The following HECW2 variants were observed in gnomAD, a reference collection of about 807,000 sequenced individuals.
HECW2 encodes the protein HECT, C2 and WW domain containing E3 ubiquitin protein ligase 2.
Under a neutral mutation model 175.2 loss-of-function variants are expected in HECW2, and 61 were observed. That is an observed-to-expected ratio of 0.35 (90% confidence interval 0.28 to 0.43). HECW2 has a LOEUF of 0.43. Ranked by LOEUF, HECW2 falls within the 20% of genes least tolerant of loss-of-function variation. The pLI, the probability that HECW2 is intolerant of heterozygous loss-of-function variation, is 1.00. For synonymous variants in HECW2, 671 were observed against 731.0 expected (o/e 0.92, Z 1.32); for missense variants, 1,524 against 2,000.5 (o/e 0.76, Z 4.54).
At chr2:196,304,959 A>G (rs1691204125) in intron 13 of HECW2, among the ~76,000 whole-genome samples, 1 of 152,196 alleles carries the variant, frequency 6.6e-6, no homozygotes, top group Non-Finnish European at 1.5e-5. Context: ...TCTTCTACCT[A>G]GAGTACTCCT....
intron 1 of HECW2, among the ~76,000 whole-genome samples, chr2:196,440,063 G>GA (rs1475384488): frequency 6.6e-6 from 1 of 152,116 alleles, no homozygotes; most frequent in Non-Finnish European, 1.5e-5. Flanking sequence ...ACAGGGCTGA[G>GA]AAAATCAAAA....
At chr2:196,504,732 G>A (rs1236739925) in intron 1 of HECW2, among the ~76,000 whole-genome samples, 1 of 152,190 alleles carries the variant, frequency 6.6e-6, no homozygotes, top group African/African-American at 2.4e-5. Context: ...GACAGAGAGT[G>A]TATGAACCAA....
At chr2:196,285,279 C>T (rs1023220412) in intron 14 of HECW2, among the ~76,000 whole-genome samples, 4 of 152,202 alleles carry the variant, frequency 2.6e-5, no homozygotes, top group East Asian at 3.9e-4. Context: ...AGTTTGAAAT[C>T]GTTTCCAGTT....
At chr2:196,224,586 C>T (rs1687782652) in intron 23 of HECW2, among the ~76,000 whole-genome samples, 1 of 152,044 alleles carries the variant, frequency 6.6e-6, no homozygotes, top group South Asian at 2.1e-4. Flanking sequence ...AGGAAAGACA[C>T]AGGAATAAAT....
chr2:196,411,984 T>C (rs1575515081), intron 2 of HECW2, among the ~76,000 whole-genome samples: 1 of 152,304 alleles, frequency 6.6e-6, no homozygotes, highest in East Asian at 1.9e-4. Flanking sequence ...CACTGCAGCC[T>C]GGGTGACAGA....
intron 14 of HECW2, among the ~76,000 whole-genome samples, chr2:196,283,970 C>G (rs1690287610): frequency 6.6e-6 from 1 of 152,166 alleles, no homozygotes; most frequent in Admixed American, 6.5e-5. Flanking sequence ...GACCCCAAAG[C>G]CCAATGAGCA....
At chr2:196,317,488 TTTCCC>T in intron 9 of HECW2, 119 bp from the exon 10 acceptor site, 2 of 738,206 alleles carry the variant, frequency 2.7e-6, no homozygotes, top group Non-Finnish European at 2.3e-6. Flanking sequence ...TTTAGTCTCA[TTTCCC>T]ATATGAGGAC....
At chr2:196,326,611 T>C (rs1248677768) in intron 5 of HECW2, among the ~76,000 whole-genome samples, 1 of 152,000 alleles carries the variant, frequency 6.6e-6, no homozygotes, top group Non-Finnish European at 1.5e-5. Context: ...ACCCAGCGAA[T>C]TTTTGTATTT....
chr2:196,271,043 C>T, intron 17 of HECW2, 150 bp downstream of exon 17: 1 of 598,060 alleles, frequency 1.7e-6, no homozygotes, highest in Non-Finnish European at 3.0e-6. Context: ...CACTACAATA[C>T]CTGGTGATGA....
intron 1 of HECW2, among the ~76,000 whole-genome samples, chr2:196,464,089 A>G (rs1221274608): frequency 6.6e-6 from 1 of 151,886 alleles, no homozygotes; most frequent in Non-Finnish European, 1.5e-5. Flanking sequence ...AATACATTAA[A>G]ATTGCTACCC....
chr2:196,400,672 A>G (rs945713609), intron 2 of HECW2, among the ~76,000 whole-genome samples: 1 of 152,138 alleles, frequency 6.6e-6, no homozygotes, highest in Non-Finnish European at 1.5e-5. Flanking sequence ...GAAAATCATG[A>G]AAACCTTACT....
intron 3 of HECW2, among the ~76,000 whole-genome samples, chr2:196,335,748 T>C (rs920604582): frequency 2.0e-5 from 3 of 152,220 alleles, no homozygotes; most frequent in Admixed American, 2.0e-4. Context: ...CTTATATTAT[T>C]TATGTGAGTC....
chr2:196,534,765 G>A (rs1408586874), intron 1 of HECW2, among the ~76,000 whole-genome samples: 1 of 152,206 alleles, frequency 6.6e-6, no homozygotes, highest in Non-Finnish European at 1.5e-5. Flanking sequence ...TCTCTACTGT[G>A]AAACAAGATG....
At chr2:196,375,104 A>G (rs1694014419) in intron 2 of HECW2, among the ~76,000 whole-genome samples, 1 of 151,706 alleles carries the variant, frequency 6.6e-6, no homozygotes, top group Non-Finnish European at 1.5e-5. Context: ...GGTAGCAGTG[A>G]GCTGAGATCA....
intron 1 of HECW2, among the ~76,000 whole-genome samples, chr2:196,572,641 T>A (rs933283803): frequency 2.0e-5 from 3 of 152,220 alleles, no homozygotes; most frequent in Non-Finnish European, 4.4e-5. Flanking sequence ...CCCCTCCAAA[T>A]TCATGTTGAA....
chr2:196,248,225 C>A (rs572780081), intron 19 of HECW2, among the ~76,000 whole-genome samples: 3 of 152,276 alleles, frequency 2.0e-5, no homozygotes, highest in Admixed American at 2.0e-4. Context: ...ACTTCTCAAA[C>A]CTTGACAGAG....
At chr2:196,544,992 T>G (rs952863429) in intron 1 of HECW2, among the ~76,000 whole-genome samples, 4 of 152,300 alleles carry the variant, frequency 2.6e-5, no homozygotes, top group Admixed American at 6.5e-5. Flanking sequence ...CTCACTTTAG[T>G]GAAACTCATA....
chr2:196,510,693 A>AT lies in HECW2; in HGVS notation c.-35-77236dup, dbSNP rs1217292988. 2.9e-4 allele frequency among the ~76,000 whole-genome samples: 44 copies of AT among 150,708 alleles called. No homozygotes were observed. In the South Asian group the frequency reaches 6.3e-3, roughly 22 times the overall value. Reference sequence around the variant, plus strand: ...ATTTTCCACAAATATGGGAATTGTTATTTTTTTTTACTTAGCTATCTTTTT... The same window carrying AT: ...ATTTTCCACAAATATGGGAATTGTTATTTTTTTTTTACTTAGCTATCTTTTT... On this transcript the variant is annotated intron_variant, in intron 1 of 28. Coordinates refer to ENST00000644978, the MANE Select transcript of HECW2 (RefSeq NM_001348768.2).
intron 28 of HECW2, among the ~76,000 whole-genome samples, chr2:196,207,272 G>C (rs114622077): frequency 1.3e-5 from 2 of 152,184 alleles, no homozygotes; most frequent in Non-Finnish European, 2.9e-5. Context: ...ATTCAAGGGC[G>C]TGAAATCAGC....
Sources: gnomAD v4.1 joint callset for allele counts (sites outside exome capture counted in the v4.1 genomes callset) on GRCh38, gnomAD v4.1.1 for gene constraint, MANE v1.5 for transcripts, NCBI Gene and HGNC (gene_info 2026-07-23, HGNC 2026-07-21) for gene names.